Variants in PLAGL1 observed in about 807,000 individuals in gnomAD.
PLAGL1 encodes the protein zinc finger protein PLAGL1.
In PLAGL1, 1 loss-of-function variant was observed where a neutral mutation model predicts 4.6. That is an observed-to-expected ratio of 0.22 (90% CI 0.08 to 1.03). PLAGL1 has a LOEUF of 1.03. Ranked by LOEUF, PLAGL1 falls within the 50% of genes least tolerant of loss-of-function variation. The probability of loss-of-function intolerance (pLI) is 0.58; values close to 1 mark genes in which losing one functional copy is unlikely to be tolerated. For missense variants in PLAGL1, 464 were observed against 570.4 expected, an observed-to-expected ratio of 0.81 and a Z score of 1.90; for synonymous variants, 240 against 237.8, an observed-to-expected ratio of 1.01 and a Z score of -0.08.
rs1793617149 is a variant in PLAGL1 at position 144,004,179 on chromosome 6, C to T, written c.-584+3911G>A. On this transcript the variant is annotated intron_variant, in intron 1 of 7. Coordinates refer to ENST00000674357, the MANE Select transcript of PLAGL1 (RefSeq NM_001317162.2). The surrounding 1 kb of genome is among the most constrained non-coding windows in gnomAD (Gnocchi z 4.2). Reference sequence around the variant, plus strand: ...CTGCCAAATGGGGATAACTATGTTCCAGTAATTTTTTTTTTTTTTAAGATG... The same window carrying T: ...CTGCCAAATGGGGATAACTATGTTCTAGTAATTTTTTTTTTTTTTAAGATG... Among the ~76,000 whole-genome samples the T allele has an allele frequency of 1.0e-5, 1 of 99,458 alleles. No individual in the cohort carries two copies. The highest frequency in any genetic ancestry group is 3.9e-5 in the African/African-American group (1 of 25,690). The allele number at this position is 99,458 out of a possible 152,430, so 65.2% of individuals were successfully genotyped here.
chr6:144,005,108 G>A lies in PLAGL1; in HGVS notation c.-584+2982C>T, dbSNP rs1793883327. 6.6e-6 allele frequency: 1 copy of A among 151,810 alleles called. No homozygotes were observed. Among genetic ancestry groups the A allele is most frequent in the South Asian group, 2.1e-4 (1 of 4,810 alleles). The allele number at this position is 151,810 out of a possible 1,614,324, so 9.4% of individuals were successfully genotyped here. Reference sequence around the variant, plus strand: ...CAAATTATTCTTGATGATACAAGGAGCAGTTAAAACCATAAAGCAATTCTC... The same window carrying A: ...CAAATTATTCTTGATGATACAAGGAACAGTTAAAACCATAAAGCAATTCTC... On this transcript the variant is annotated intron_variant, in intron 1 of 7. Coordinates refer to ENST00000674357, the MANE Select transcript of PLAGL1 (RefSeq NM_001317162.2). The surrounding 1 kb of genome is among the most constrained non-coding windows in gnomAD (Gnocchi z 4.6).
chr6:144,014,645 T>C (rs1795446157), intron 1 of PLAGL1, among the ~76,000 whole-genome samples: 1 of 152,078 alleles, frequency 6.6e-6, no homozygotes, highest in Admixed American at 6.5e-5. Flanking sequence ...CGTGACATGA[T>C]CTCGGCTCAC....
intron 1 of PLAGL1, among the ~76,000 whole-genome samples, chr6:144,032,443 C>G (rs1286860762): frequency 7.9e-5 from 12 of 151,912 alleles, no homozygotes; most frequent in Admixed American, 7.9e-4. Context: ...AATTTTTAAG[C>G]CAGTTTTTAT....
chr6:144,028,250 T>C (rs553037401), intron 1 of PLAGL1, among the ~76,000 whole-genome samples: 18 of 152,336 alleles, frequency 1.2e-4, no homozygotes, highest in African/African-American at 4.1e-4. Flanking sequence ...ATAAAACACA[T>C]TATATCTTTT....
At position 144,000,845 on chromosome 6, in the gene PLAGL1, A is replaced by C. The variant is rs1362470494; in HGVS notation, c.-584+7245T>G. On this transcript the variant is annotated intron_variant, in intron 1 of 7. Transcript: ENST00000674357. This position sits in a 1 kb window ranked among gnomAD's most constrained non-coding sequence, Gnocchi z 4.1. ...TGCAAAGTTCTAAGAAATACTGGAAAAACATCCTTTAAAATGTCAGATATT... is the reference window on the plus strand; with the variant it reads ...TGCAAAGTTCTAAGAAATACTGGAACAACATCCTTTAAAATGTCAGATATT... Among the ~76,000 whole-genome samples, 1 of 152,178 alleles carries C rather than the reference A, an allele frequency of 6.6e-6. No homozygotes were observed. The highest frequency in any genetic ancestry group is 1.5e-5 in the Non-Finnish European group (1 of 67,998).
At chr6:143,992,908 G>A (rs1027534038) in intron 1 of PLAGL1, among the ~76,000 whole-genome samples, 1 of 152,032 alleles carries the variant, frequency 6.6e-6, no homozygotes, top group African/African-American at 2.4e-5. Flanking sequence ...AACCTGGGAG[G>A]TGGAGGTTGC....
At chr6:144,023,924 G>A (rs915442433) in intron 1 of PLAGL1, among the ~76,000 whole-genome samples, 24 of 151,756 alleles carry the variant, frequency 1.6e-4, no homozygotes, top group African/African-American at 2.2e-4. Flanking sequence ...TTACAGGCAC[G>A]CACAACCATG....
In PLAGL1 at chr6:143,968,368, C is replaced by T. The variant is rs1784825170; in HGVS notation, c.-472+539G>A. 1 of 152,092 alleles carries T rather than the reference C, an allele frequency of 6.6e-6. No individual in the cohort carries two copies. Among genetic ancestry groups the T allele is most frequent in the African/African-American group, 2.4e-5 (1 of 41,414 alleles). The allele number at this position is 152,092 out of a possible 1,614,324, so 9.4% of individuals were successfully genotyped here. ...AAATTTGGCAAGCTGAGAATCATCT[C>T]ATATTATGATTTTAGGAGAGTGGTT... On this transcript the variant is annotated intron_variant, in intron 3 of 7. Transcript: ENST00000674357. The surrounding 1 kb of genome is among the most constrained non-coding windows in gnomAD (Gnocchi z 6.3).
Position 143,964,852 on chromosome 6 carries a change from A to G in PLAGL1, c.-430-34T>C, listed in dbSNP as rs1343595876. 6.6e-6 allele frequency: 1 copy of G among 152,280 alleles called. No individual in the cohort carries two copies. Among genetic ancestry groups the G allele is most frequent in the African/African-American group, 2.4e-5 (1 of 41,470 alleles). The allele number at this position is 152,280 out of a possible 1,614,324, so 9.4% of individuals were successfully genotyped here. On this transcript the variant is annotated intron_variant, in intron 4 of 7. Transcript: ENST00000674357. The surrounding 1 kb of genome is among the most constrained non-coding windows in gnomAD (Gnocchi z 4.3). ...GGAGAGACACACAAAGTTATCTTTA[A>G]GGTCTTTATCTTGAGCTCTGAATTG...
chr6:144,015,646 C>A lies in PLAGL1; in HGVS notation c.-150-46668G>T, dbSNP rs1795514368. Among the ~76,000 whole-genome samples, 1 of 152,098 alleles carries A rather than the reference C, an allele frequency of 6.6e-6. No homozygotes were observed. The highest frequency in any genetic ancestry group is 2.1e-4 in the South Asian group (1 of 4,822). The stretch of plus-strand genomic sequence containing the variant: ...AGAATGACATTAAACATCATTTCCC[C>A]AATGATTAATGCAAATCAAAACTAC... On this transcript the variant is annotated intron_variant, in intron 1 of 3. Coordinates refer to the PLAGL1 transcript ENST00000437412. This position sits in a 1 kb window ranked among gnomAD's most constrained non-coding sequence, Gnocchi z 4.3.
At chr6:144,012,241 G>A (rs1795237814), upstream of PLAGL1, among the ~76,000 whole-genome samples, 1 of 152,096 alleles carries the variant, frequency 6.6e-6, no homozygotes, top group Admixed American at 6.6e-5. The surrounding 1 kb of genome is among the most constrained non-coding windows in gnomAD (Gnocchi z 4.8). Context: ...TTGAGACAGA[G>A]TCTCGCTCTG....
At chr6:143,956,712 G>T (rs183303594) in intron 6 of PLAGL1, among the ~76,000 whole-genome samples, 139 of 152,334 alleles carry the variant, frequency 9.1e-4, no homozygotes, top group Non-Finnish European at 1.7e-3. Context: ...ATGGAGTGAG[G>T]TGGTAGAGGT....
upstream of PLAGL1, among the ~76,000 whole-genome samples, chr6:144,012,851 G>A (rs1795284617): frequency 6.6e-6 from 1 of 152,208 alleles, no homozygotes; most frequent in African/African-American, 2.4e-5. The surrounding 1 kb of genome is among the most constrained non-coding windows in gnomAD (Gnocchi z 4.8). Flanking sequence ...TGGGACTGTG[G>A]TAAAGTGAAA....
intron 1 of PLAGL1, among the ~76,000 whole-genome samples, chr6:144,040,299 C>T (rs536807690): frequency 1.3e-3 from 195 of 151,746 alleles, no homozygotes; most frequent in African/African-American, 4.5e-3. Flanking sequence ...GAGGCTGAGG[C>T]GGGTGGATCG....
chr6:144,029,191 T>A (rs1338552855), intron 1 of PLAGL1, among the ~76,000 whole-genome samples: 2 of 152,226 alleles, frequency 1.3e-5, no homozygotes, highest in African/African-American at 4.8e-5. Flanking sequence ...GGAATGAACA[T>A]CTTTACATAT....
rs2128564440 is a variant in PLAGL1, at chr6:143,964,951, C to CTCTCTT, written c.-430-134_-430-133insAAGAGA. Reference sequence around the variant, plus strand: ...GGAAGAGGAAAGAGAGCAGCTGGTGCTGCTGGAGTCATGAGATCCAGGACA... The same window carrying CTCTCTT: ...GGAAGAGGAAAGAGAGCAGCTGGTGCTCTCTTTGCTGGAGTCATGAGATCCAGGACA... On this transcript the variant is annotated intron_variant, in intron 4 of 7. Coordinates refer to ENST00000674357, the MANE Select transcript of PLAGL1 (RefSeq NM_001317162.2). This position sits in a 1 kb window ranked among gnomAD's most constrained non-coding sequence, Gnocchi z 4.3. 6.6e-6 allele frequency: 1 copy of CTCTCTT among 152,258 alleles called. No individual in the cohort carries two copies. Among genetic ancestry groups the CTCTCTT allele is most frequent in the East Asian group, 1.9e-4 (1 of 5,168 alleles). The allele number at this position is 152,258 out of a possible 1,614,324, so 9.4% of individuals were successfully genotyped here. A position where few individuals can be genotyped will look rare whatever the true frequency, so the allele number is the denominator to read the frequency against.
Position 144,019,194 on chromosome 6 carries a change from G to A in PLAGL1, c.-151+45274C>T, listed in dbSNP as rs1024465725. Among the ~76,000 whole-genome samples, 16 of 152,094 alleles carry A rather than the reference G, an allele frequency of 1.1e-4. 1 individual carries two copies. Among genetic ancestry groups the A allele is most frequent in the African/African-American group, 3.1e-4 (13 of 41,386 alleles). On this transcript the variant is annotated intron_variant, in intron 1 of 3. Transcript: ENST00000437412. Reference sequence around the variant, plus strand: ...TGGATTTTTAAAAAATGCTATAAAGGCCAGGCACTGTGGCTCATGCCTGTA... The same window carrying A: ...TGGATTTTTAAAAAATGCTATAAAGACCAGGCACTGTGGCTCATGCCTGTA...
chr6:144,037,904 T>C (rs969432509), intron 1 of PLAGL1, among the ~76,000 whole-genome samples: 3 of 152,320 alleles, frequency 2.0e-5, no homozygotes, highest in South Asian at 2.1e-4. Flanking sequence ...AGGCTACAAT[T>C]TCCCCCCTTA....
At position 143,941,871 on chromosome 6, in the gene PLAGL1, G is replaced by A; in HGVS notation, c.945C>T (p.Ser315=). 6.2e-7 allele frequency: 1 copy of A among 1,614,120 alleles called. No individual in the cohort carries two copies. The highest frequency in any genetic ancestry group is 8.5e-7 in the Non-Finnish European group (1 of 1,179,996). The change falls in exon 8 of 8, where the codon AGC becomes AGT. Residue 315 remains serine (S), a synonymous_variant. Transcript: ENST00000674357. This position sits in a 1 kb window ranked among gnomAD's most constrained non-coding sequence, Gnocchi z 6.0. ...CTTTAGTATCTGCTTTGAGGGGCAG[G>A]CTTGCAAGTGGGGAGTATGAGGTAG... is the stretch of plus-strand genomic sequence containing the variant. The part of the protein sequence containing the change: ...TTSTSYSPLA[S]LPLKADTKGF...
Sources: allele counts gnomAD v4.1 joint callset (sites outside exome capture counted in the v4.1 genomes callset), GRCh38; gene constraint gnomAD v4.1.1; non-coding constraint Gnocchi (gnomAD v3.1); transcripts MANE v1.5; gene names NCBI Gene and HGNC (gene_info 2026-07-23, HGNC 2026-07-21).